CDON: variants seen among roughly 807,000 people sequenced by gnomAD.
CDON encodes the protein cell adhesion molecule-related/down-regulated by oncogenes.
Under a neutral mutation model 120.9 loss-of-function variants are expected in CDON, and 73 were observed. The ratio of observed to expected loss-of-function variants is 0.60; its 90% CI spans 0.50 to 0.73. The LOEUF is 0.73. Among genes scored for constraint, CDON ranks in the 30% least tolerant of loss-of-function variants. CDON has a pLI of 0.00. For synonymous variants in CDON, 566 were observed against 573.5 expected (o/e 0.99, Z 0.19); for missense variants, 1,470 against 1,587.3 (o/e 0.93, Z 1.26).
intron 15 of CDON, among the ~76,000 whole-genome samples, chr11:125,984,345 G>A (rs1450978938): frequency 6.6e-6 from 1 of 152,200 alleles, no homozygotes; most frequent in Non-Finnish European, 1.5e-5. Context: ...AATCCAAACT[G>A]CTATATGATT....
intron 1 of CDON, among the ~76,000 whole-genome samples, chr11:126,059,803 A>AT (rs1168390723): frequency 6.6e-6 from 1 of 152,140 alleles, no homozygotes; most frequent in Non-Finnish European, 1.5e-5. Flanking sequence ...AATTAGCTTG[A>AT]TTTTAAAAAG....
Position 125,981,303 on chromosome 11 carries a change from G to C in CDON, c.3022C>G (p.Gln1008Glu). Residue 1008 changes from glutamine (Q) to glutamate (E), a missense_variant, in exon 17 of 20, where the codon CAA (glutamine) becomes GAA (glutamate). Coordinates refer to ENST00000531738, the MANE Select transcript of CDON (RefSeq NM_001378964.1). ...ATCTGCCCGTTCATATCTGATCCTT[G>C]GTAGAGATATCCTGGTGGGTCATAT... ...QKYDPPGYLY[Q>E]GSDMNGQMVD... 1.2e-6 allele frequency: 2 copies of C among 1,613,792 alleles called. No individual in the cohort carries two copies. The highest frequency in any genetic ancestry group is 1.7e-6 in the Non-Finnish European group (2 of 1,180,000).
intron 1 of CDON, among the ~76,000 whole-genome samples, chr11:126,033,078 G>A (rs1282806297): frequency 6.6e-6 from 1 of 152,178 alleles, no homozygotes; most frequent in Non-Finnish European, 1.5e-5. Flanking sequence ...GACATCTTTG[G>A]AATCCATTCA....
rs536112755 is a variant in CDON, at chr11:125,981,217, G to A, written c.3108C>T (p.Phe1036=). The change falls in exon 17 of 20, where the codon TTC becomes TTT. Residue 1036 remains phenylalanine (F), a synonymous_variant. Transcript: ENST00000531738. ...SQINGNVHGG[F]LTNGGLSSGY... is the part of the protein sequence containing the mutation. ...CACTGCTGAGACCGCCATTGGTTAG[G>A]AAGCCTCCGTGAACATTTCCATTTA... 1.2e-6 allele frequency: 2 copies of A among 1,614,188 alleles called. No individual in the cohort carries two copies. The highest frequency in any genetic ancestry group is 3.3e-5 in the Admixed American group (2 of 60,030).
chr11:125,960,726 C>T lies in CDON; in HGVS notation c.*216G>A, dbSNP rs1254796045. The stretch of plus-strand genomic sequence containing the variant: ...TATGCAAAACAAGGTTGTTTCCTAC[C>T]GAGGGGGAGGAAGGAATGGGGAAGA... On this transcript the variant is annotated 3_prime_UTR_variant, in exon 20 of 20. Coordinates refer to ENST00000531738, the MANE Select transcript of CDON (RefSeq NM_001378964.1). The T allele has an allele frequency of 1.6e-5, 9 of 570,588 alleles. No homozygotes were observed. Among genetic ancestry groups the T allele is most frequent in the South Asian group, 6.0e-5 (3 of 49,942 alleles). The allele number at this position is 570,588 out of a possible 1,614,324, so 35.3% of individuals were successfully genotyped here. A position where few individuals can be genotyped will look rare whatever the true frequency, so the allele number is the denominator to read the frequency against.
chr11:126,017,103 T>G lies in CDON; in HGVS notation c.913A>C (p.Met305Leu). ...AACATCTTACCAAGTACATTAACCA[T>G]GTAAGTCACATATTTTACATCTCCA... The part of the protein sequence containing the change: ...KSGDVKYVTY[M>L]VNVLEHASIS... The change falls in exon 6 of 20, where the codon ATG (methionine) becomes CTG (leucine). Residue 305 changes from methionine to leucine, a missense_variant. By Grantham distance (15) the Met-to-Leu change is conservative. Transcript: ENST00000531738. The G allele has an allele frequency of 1.2e-6, 2 of 1,614,134 alleles. No homozygotes were observed. Among genetic ancestry groups the G allele is most frequent in the Non-Finnish European group, 1.7e-6 (2 of 1,179,972 alleles).
intron 18 of CDON, among the ~76,000 whole-genome samples, chr11:125,971,398 A>AT (rs1455278840): frequency 6.1e-5 from 9 of 147,096 alleles, no homozygotes; most frequent in African/African-American, 2.4e-4. Flanking sequence ...AAATAAATAA[A>AT]TAAATAAATA....
chr11:126,049,310 C>T (rs1013944383), intron 1 of CDON, among the ~76,000 whole-genome samples: 2 of 152,168 alleles, frequency 1.3e-5, no homozygotes, highest in African/African-American at 4.8e-5. Context: ...CTCTGTCAAC[C>T]TTAATCAAAT....
intron 1 of CDON, among the ~76,000 whole-genome samples, chr11:126,058,250 T>TC (rs1948720980): frequency 6.6e-6 from 1 of 152,092 alleles, no homozygotes. Context: ...AGCACTGGAG[T>TC]CCCTACTCAC....
rs766942807 is a variant in CDON at position 125,961,716 on chromosome 11, T to C, written c.3631+8A>G. ...CTGGAATCCTAAGGTTGATCATGCC[T>C]TCCTGACCTCTGCTGAACTCTGCTG... is the stretch of plus-strand genomic sequence containing the variant. On this transcript the variant is annotated splice_region_variant and intron_variant, in intron 19 of 19. Coordinates refer to ENST00000531738, the MANE Select transcript of CDON (RefSeq NM_001378964.1). 6.2e-7 allele frequency: 1 copy of C among 1,614,184 alleles called. No homozygotes were observed. The highest frequency in any genetic ancestry group is 1.1e-5 in the South Asian group (1 of 91,066).
chr11:126,046,923 A>AT (rs1453836192), intron 1 of CDON, among the ~76,000 whole-genome samples: 1 of 152,222 alleles, frequency 6.6e-6, no homozygotes, highest in African/African-American at 2.4e-5. Context: ...CTCCAAACAC[A>AT]TGTAAGCCCA....
At chr11:126,041,254 G>T (rs563613758) in intron 1 of CDON, among the ~76,000 whole-genome samples, 1 of 151,236 alleles carries the variant, frequency 6.6e-6, no homozygotes, top group East Asian at 1.9e-4. Flanking sequence ...TAAACCTAAG[G>T]GAAAAAGACC....
chr11:125,956,939 A>T lies in CDON; in HGVS notation c.*4003T>A. On this transcript the variant is annotated 3_prime_UTR_variant, in exon 20 of 20. Transcript: ENST00000531738. ...TTAAATATGGGAAATAAAATACAAA[A>T]GGGCCACACCCGATGCAAAAGACTT... 1 of 822,116 alleles carries T rather than the reference A, an allele frequency of 1.2e-6. No individual in the cohort carries two copies. The highest frequency in any genetic ancestry group is 5.5e-5 in the South Asian group (1 of 18,056). 50.9% of individuals were successfully genotyped at this position (822,116 alleles called of 1,614,324 possible).
intron 18 of CDON, 141 bp downstream of exon 18, chr11:125,978,163 T>C (rs1316483969): frequency 2.9e-6 from 2 of 686,952 alleles, no homozygotes; most frequent in Non-Finnish European, 5.3e-6. Flanking sequence ...AAAAAATTAG[T>C]AACAGCTTTA....
At chr11:126,030,463 T>C (rs61917839) in intron 1 of CDON, among the ~76,000 whole-genome samples, 35,695 of 152,170 alleles carry the variant, frequency 0.23, 4,396 homozygotes, top group Middle Eastern at 0.35. Context: ...AGGAAATAAC[T>C]GTGATTAATT....
intron 8 of CDON, among the ~76,000 whole-genome samples, chr11:126,006,450 T>A (rs142886391): frequency 0.022 from 3,378 of 152,236 alleles, 60 homozygotes; most frequent in Non-Finnish European, 0.03. Context: ...GGGGAATCAC[T>A]TGAGCCCAGC....
intron 1 of CDON, among the ~76,000 whole-genome samples, chr11:126,025,438 C>T (rs192990440): frequency 1.3e-5 from 2 of 152,236 alleles, no homozygotes; most frequent in African/African-American, 4.8e-5. Context: ...GACACAGACA[C>T]TTCCTTCCAG....
Position 125,994,332 on chromosome 11 carries a change from G to A in CDON, c.2602C>T (p.Pro868Ser). The change falls in exon 14 of 20, where the codon CCA becomes TCA. Residue 868 changes from proline to serine, a missense_variant. By Grantham distance (74) the Pro-to-Ser change is moderately conservative (BLOSUM62 -1). Transcript: ENST00000531738. Reference sequence around the variant, plus strand: ...TCACTGTCATTGTCACTATCTGTTGGTCGGTAATAGATATAAAATCCTTGA... The same window carrying A: ...TCACTGTCATTGTCACTATCTGTTGATCGGTAATAGATATAAAATCCTTGA... Reference protein sequence around the residue: ...PIQGFYIYYRPTDSDNDSDYK... With the variant: ...PIQGFYIYYRSTDSDNDSDYK... 1 of 1,603,762 alleles carries A rather than the reference G, an allele frequency of 6.2e-7. No individual in the cohort carries two copies. The highest frequency in any genetic ancestry group is 8.5e-7 in the Non-Finnish European group (1 of 1,170,702).
chr11:125,980,663 T>C (rs1946269983), intron 17 of CDON, among the ~76,000 whole-genome samples: 1 of 152,180 alleles, frequency 6.6e-6, no homozygotes, highest in Non-Finnish European at 1.5e-5. Context: ...AGTGCTACCA[T>C]CTCACTCCCA....
Sources: allele counts gnomAD v4.1 joint callset (sites outside exome capture counted in the v4.1 genomes callset), GRCh38; gene constraint gnomAD v4.1.1; transcripts MANE v1.5; gene names NCBI Gene and HGNC (gene_info 2026-07-23, HGNC 2026-07-21).